NCALD: variants seen among roughly 807,000 people sequenced by gnomAD.
NCALD encodes neurocalcin delta, also known as neurocalcin-delta.
In NCALD, 10 loss-of-function variants were observed where a neutral mutation model predicts 18.6. That is an observed-to-expected ratio of 0.54 (90% CI 0.33 to 0.91). The LOEUF (loss-of-function observed/expected upper bound fraction) is 0.91, where lower values mean the gene tolerates loss of function less well. Ranked by LOEUF, NCALD falls within the 40% of genes least tolerant of loss-of-function variation. The pLI, the probability that NCALD is intolerant of heterozygous loss-of-function variation, is 0.03. For missense variants in NCALD, 184 were observed against 247.6 expected (o/e 0.74, Z 1.72); for synonymous variants, 88 against 87.4 (o/e 1.01, Z -0.04).
upstream of NCALD, among the ~76,000 whole-genome samples, chr8:101,792,071 CCAAA>C (rs1812467344): frequency 6.6e-6 from 1 of 152,006 alleles, no homozygotes; most frequent in African/African-American, 2.4e-5. Context: ...AAATGTATGC[CCAAA>C]CAAAGGACAA....
chr8:101,770,179 T>C lies in NCALD; in HGVS notation c.-20+20683A>G, dbSNP rs779199588. Among the ~76,000 whole-genome samples the C allele has an allele frequency of 9.4e-4, 143 of 152,206 alleles. 1 individual carries two copies. Among genetic ancestry groups the C allele is most frequent in the Non-Finnish European group, 2.8e-4 (19 of 68,036 alleles). ...TTTGATTTTCAGAAATCCTGCTGCA[T>C]GGCCCTGTGCTCTCCAACTGGATAC... On this transcript the variant is annotated intron_variant, in intron 1 of 3. Coordinates refer to ENST00000220931, the MANE Select transcript of NCALD (RefSeq NM_032041.3).
At chr8:102,118,286 C>T (rs1186940930) in intron 1 of NCALD, among the ~76,000 whole-genome samples, 3 of 152,240 alleles carry the variant, frequency 2.0e-5, no homozygotes, top group Non-Finnish European at 4.4e-5. Flanking sequence ...CCCTGAACAA[C>T]TCCAGAAACT....
intron 2 of NCALD, among the ~76,000 whole-genome samples, chr8:101,973,758 T>C (rs1009513664): frequency 2.6e-5 from 4 of 152,166 alleles, no homozygotes; most frequent in African/African-American, 9.7e-5. Flanking sequence ...GCTTCTAACG[T>C]TGCAGAGCAC....
chr8:101,774,778 G>C (rs560895973), intron 1 of NCALD, among the ~76,000 whole-genome samples: 1 of 152,162 alleles, frequency 6.6e-6, no homozygotes, highest in Non-Finnish European at 1.5e-5. Context: ...CCAGCACCTA[G>C]GTCAGCCTTG....
intron 2 of NCALD, among the ~76,000 whole-genome samples, chr8:101,920,365 C>T (rs997252549): frequency 3.3e-5 from 5 of 152,156 alleles, no homozygotes; most frequent in African/African-American, 1.2e-4. Context: ...ACCTAGCAAT[C>T]CCATTACTGA....
rs142635675 is a variant in NCALD, at chr8:101,965,366, A to C, written c.-156-49508T>G. On this transcript the variant is annotated intron_variant, in intron 2 of 6. Transcript: ENST00000311028. ...ATAGCAAAGACTTGGAACCAACCCA[A>C]ATGCCCATCACTGACAGACTGGATA... Among the ~76,000 whole-genome samples the C allele has an allele frequency of 2.0e-5, 3 of 152,304 alleles. No homozygotes were observed. In the East Asian group the frequency reaches 5.8e-4, roughly 29 times the overall value.
chr8:101,975,911 T>A (rs1020592017), intron 2 of NCALD, among the ~76,000 whole-genome samples: 1 of 152,200 alleles, frequency 6.6e-6, no homozygotes, highest in African/African-American at 2.4e-5. Flanking sequence ...CAATTGACCC[T>A]TATGGACCAA....
intron 1 of NCALD, among the ~76,000 whole-genome samples, chr8:102,051,877 C>T (rs1823470994): frequency 6.6e-6 from 1 of 152,146 alleles, no homozygotes; most frequent in African/African-American, 2.4e-5. Flanking sequence ...AGATATTCGT[C>T]TAAGGTATTT....
intron 1 of NCALD, among the ~76,000 whole-genome samples, chr8:102,075,451 T>C (rs961762306): frequency 6.6e-6 from 1 of 152,220 alleles, no homozygotes; most frequent in Admixed American, 6.5e-5. Context: ...AATACTATAA[T>C]ATTATACAAT....
intron 2 of NCALD, among the ~76,000 whole-genome samples, chr8:101,698,704 G>A (rs1228575928): frequency 6.6e-6 from 1 of 152,078 alleles, no homozygotes; most frequent in Non-Finnish European, 1.5e-5. Context: ...TTAATAAATG[G>A]TGCTGGAAAA....
intron 4 of NCALD, among the ~76,000 whole-genome samples, chr8:101,802,292 T>G (rs897935931): frequency 2.6e-5 from 4 of 152,172 alleles, no homozygotes; most frequent in African/African-American, 9.7e-5. Context: ...CTCCATTGAT[T>G]GGCCTTCCCT....
intron 1 of NCALD, among the ~76,000 whole-genome samples, chr8:102,055,251 GAAAAA>G (rs753316443): frequency 4.0e-4 from 44 of 109,332 alleles, no homozygotes; most frequent in African/African-American, 1.3e-3. Flanking sequence ...TTCATGATAT[GAAAAA>G]AAAAAAAAAA....
intron 2 of NCALD, among the ~76,000 whole-genome samples, chr8:101,945,284 A>G (rs1819123770): frequency 6.6e-6 from 1 of 152,186 alleles, no homozygotes; most frequent in South Asian, 2.1e-4. Flanking sequence ...ATAGAAGATC[A>G]AAATAGACAC....
intron 1 of NCALD, among the ~76,000 whole-genome samples, chr8:102,052,133 A>C (rs1358389096): frequency 6.6e-6 from 1 of 152,254 alleles, no homozygotes; most frequent in Non-Finnish European, 1.5e-5. Flanking sequence ...CTACTTTTAA[A>C]GCATTTCATG....
chr8:102,082,524 G>A (rs879744140), intron 1 of NCALD, among the ~76,000 whole-genome samples: 2 of 151,918 alleles, frequency 1.3e-5, no homozygotes, highest in African/African-American at 4.8e-5. Context: ...ATCCACAACC[G>A]GCCACCTCCA....
At chr8:101,882,970 C>T (rs910371152) in intron 4 of NCALD, among the ~76,000 whole-genome samples, 6 of 152,168 alleles carry the variant, frequency 3.9e-5, no homozygotes, top group Non-Finnish European at 2.9e-5. Flanking sequence ...AATCCATCTC[C>T]TTAAATATGT....
At chr8:101,695,238 G>A (rs552630159) in intron 2 of NCALD, among the ~76,000 whole-genome samples, 21 of 152,294 alleles carry the variant, frequency 1.4e-4, no homozygotes, top group Middle Eastern at 3.4e-3. Context: ...GAGGTGTTGC[G>A]GGGAAGAGCA....
intron 2 of NCALD, among the ~76,000 whole-genome samples, chr8:101,964,931 C>A (rs979504705): frequency 1.3e-5 from 2 of 151,998 alleles, no homozygotes; most frequent in Admixed American, 6.6e-5. Context: ...CACTTCTTCT[C>A]AAGCATAAGA....
At chr8:101,886,226 C>T (rs577928726) in intron 4 of NCALD, among the ~76,000 whole-genome samples, 3 of 152,280 alleles carry the variant, frequency 2.0e-5, no homozygotes, top group South Asian at 4.1e-4. Context: ...AGTCATGTTG[C>T]TCAGGTAGTA....
Sources: allele counts gnomAD v4.1 joint callset (sites outside exome capture counted in the v4.1 genomes callset), GRCh38; gene constraint gnomAD v4.1.1; transcripts MANE v1.5; gene names NCBI Gene and HGNC (gene_info 2026-07-23, HGNC 2026-07-21).